The following EXT1 variants were observed in gnomAD, a reference collection of about 807,000 sequenced individuals.
EXT1 encodes the protein exostosin glycosyltransferase 1, also known as exostosin-1.
In EXT1, 20 loss-of-function variants were observed where a neutral mutation model predicts 82.5. The ratio of observed to expected loss-of-function variants is 0.24; its 90% CI spans 0.17 to 0.35. EXT1 has a LOEUF of 0.35. Ranked by LOEUF, EXT1 falls within the 10% of genes least tolerant of loss-of-function variation. The pLI is 1.00. For missense variants in EXT1, 757 were observed against 936.5 expected, an observed-to-expected ratio of 0.81 and a Z score of 2.50; for synonymous variants, 348 against 350.8, an observed-to-expected ratio of 0.99 and a Z score of 0.09.
chr8:117,927,867 T>A (rs188016919), intron 1 of EXT1, among the ~76,000 whole-genome samples: 1 of 152,330 alleles, frequency 6.6e-6, no homozygotes, highest in Admixed American at 6.5e-5. Context: ...TTGTGCTAGA[T>A]CCTGTAAATT....
At chr8:117,936,361 T>C (rs1208528203) in intron 1 of EXT1, among the ~76,000 whole-genome samples, 1 of 152,182 alleles carries the variant, frequency 6.6e-6, no homozygotes, top group Non-Finnish European at 1.5e-5. Flanking sequence ...TAAATTTCCA[T>C]TGGTTAAGAA....
At chr8:117,829,569 C>CTTTTTTTTTTT (rs35823668) in intron 4 of EXT1, among the ~76,000 whole-genome samples, 12 of 96,876 alleles carry the variant, frequency 1.2e-4, no homozygotes, top group East Asian at 2.7e-4. Context: ...ATATATTTTT[C>CTTTTTTTTTTT]TTTTTTTTTT....
intron 1 of EXT1, among the ~76,000 whole-genome samples, chr8:118,042,061 C>A (rs1197178536): frequency 6.6e-6 from 1 of 152,162 alleles, no homozygotes; most frequent in African/African-American, 2.4e-5. Flanking sequence ...TAAATGAGGA[C>A]CCCCTCGTAC....
At chr8:118,059,445 A>G (rs557585636) in intron 1 of EXT1, among the ~76,000 whole-genome samples, 17 of 152,322 alleles carry the variant, frequency 1.1e-4, no homozygotes, top group African/African-American at 3.8e-4. Flanking sequence ...CAGGTGCCCA[A>G]TGGGGTCCAG....
chr8:117,897,346 A>AG (rs1268485544), intron 1 of EXT1, among the ~76,000 whole-genome samples: 4 of 152,152 alleles, frequency 2.6e-5, no homozygotes, highest in African/African-American at 9.7e-5. Flanking sequence ...GGACAAGCTA[A>AG]GGGCTGACTG....
At chr8:117,816,558 C>A (rs1811824219) in intron 7 of EXT1, among the ~76,000 whole-genome samples, 1 of 152,108 alleles carries the variant, frequency 6.6e-6, no homozygotes, top group Non-Finnish European at 1.5e-5. Flanking sequence ...AAGGTGGAGG[C>A]AAGGACTGAA....
intron 1 of EXT1, among the ~76,000 whole-genome samples, chr8:117,970,548 G>A (rs907234322): frequency 7.9e-5 from 12 of 152,000 alleles, no homozygotes; most frequent in African/African-American, 2.2e-4. Context: ...CTTGTGATCT[G>A]CCTGCCTCAG....
At chr8:118,094,692 T>G (rs1043155624) in intron 1 of EXT1, among the ~76,000 whole-genome samples, 7 of 152,246 alleles carry the variant, frequency 4.6e-5, no homozygotes, top group Non-Finnish European at 7.3e-5. Flanking sequence ...ACAGGGAAGC[T>G]GACCAAGGTC....
At position 117,904,842 on chromosome 8, in the gene EXT1, G is replaced by GA. The variant is rs58693626; in HGVS notation, c.963-67642dup. Among the ~76,000 whole-genome samples, 849 of 145,428 alleles carry GA rather than the reference G, an allele frequency of 5.8e-3. 5 individuals carry two copies. The highest frequency in any genetic ancestry group is 0.011 in the Middle Eastern group (3 of 280). On this transcript the variant is annotated intron_variant, in intron 1 of 10. Coordinates refer to ENST00000378204, the MANE Select transcript of EXT1 (RefSeq NM_000127.3). ...GAGAGAAAGAAGGACAGAGAAATTG[G>GA]AAAAAAAAAAGTGTGAAGAAAAAAA...
chr8:117,980,694 GGTGGT>G (rs375007362), intron 1 of EXT1, among the ~76,000 whole-genome samples: 10,600 of 123,244 alleles, frequency 0.086, 928 homozygotes, highest in Middle Eastern at 0.13. Flanking sequence ...TTCGGGTGTT[GGTGGT>G]TTTTTTTTTT....
chr8:117,914,057 C>T (rs895595728), intron 1 of EXT1, among the ~76,000 whole-genome samples: 16 of 152,016 alleles, frequency 1.1e-4, no homozygotes, highest in African/African-American at 2.4e-4. Flanking sequence ...GGTAGGGTGG[C>T]GGGGTATGAT....
intron 1 of EXT1, among the ~76,000 whole-genome samples, chr8:117,865,585 C>T (rs1812762786): frequency 1.3e-5 from 2 of 152,214 alleles, no homozygotes; most frequent in African/African-American, 2.4e-5. Context: ...GAATTTCACA[C>T]TCATTGTTCC....
intron 1 of EXT1, among the ~76,000 whole-genome samples, chr8:118,101,057 T>C (rs185893782): frequency 7.2e-5 from 11 of 152,308 alleles, no homozygotes; most frequent in Non-Finnish European, 1.0e-4. Context: ...TGAACCTCTG[T>C]TGTTGATTAG....
intron 1 of EXT1, among the ~76,000 whole-genome samples, chr8:118,015,452 T>C (rs535627838): frequency 6.6e-6 from 1 of 152,334 alleles, no homozygotes; most frequent in Admixed American, 6.5e-5. Flanking sequence ...CTAAAGTTTC[T>C]AATAATTTGG....
chr8:117,882,696 G>T (rs1300322876), intron 1 of EXT1, among the ~76,000 whole-genome samples: 2 of 152,076 alleles, frequency 1.3e-5, no homozygotes, highest in Non-Finnish European at 2.9e-5. Flanking sequence ...TGATATGGCG[G>T]CCAGGCACAG....
At chr8:118,040,469 C>T (rs1309384484) in intron 1 of EXT1, among the ~76,000 whole-genome samples, 2 of 152,178 alleles carry the variant, frequency 1.3e-5, no homozygotes, top group African/African-American at 2.4e-5. Flanking sequence ...GGATAGCAAA[C>T]CTACTGGGCC....
rs115048389 is a variant in EXT1, at chr8:117,995,802, T to C, written c.962+114283A>G. ...TACCATACAGCTTTGGAGATACCTA[T>C]ACATGCCTTCCCAACCACCTCCTTC... On this transcript the variant is annotated intron_variant, in intron 1 of 10. Coordinates refer to ENST00000378204, the MANE Select transcript of EXT1 (RefSeq NM_000127.3). 4.2e-3 allele frequency among the ~76,000 whole-genome samples: 635 copies of C among 152,294 alleles called. 4 individuals are homozygous for C. The highest frequency in any genetic ancestry group is 0.014 in the African/African-American group (601 of 41,548).
intron 1 of EXT1, among the ~76,000 whole-genome samples, chr8:117,842,201 CT>C (rs1466560458): frequency 2.0e-5 from 3 of 152,172 alleles, no homozygotes; most frequent in African/African-American, 7.2e-5. Flanking sequence ...CGAATTCCAG[CT>C]TTTCAATTTA....
At chr8:117,932,980 T>C (rs1041266777) in intron 1 of EXT1, among the ~76,000 whole-genome samples, 2 of 152,088 alleles carry the variant, frequency 1.3e-5, no homozygotes, top group African/African-American at 2.4e-5. Flanking sequence ...CACTCCATCC[T>C]AGCCATACTG....
Sources: gnomAD v4.1 joint callset for allele counts (sites outside exome capture counted in the v4.1 genomes callset) on GRCh38, gnomAD v4.1.1 for gene constraint, MANE v1.5 for transcripts, NCBI Gene and HGNC (gene_info 2026-07-23, HGNC 2026-07-21) for gene names.